CCDC82: variants seen among roughly 807,000 people sequenced by gnomAD.
CCDC82 encodes coiled-coil domain containing 82.
Under a neutral mutation model 60.6 loss-of-function variants are expected in CCDC82, and 47 were observed. The observed-to-expected ratio is 0.77, with a 90% CI of 0.61 to 0.99. CCDC82 has a LOEUF of 0.99. Among genes scored for constraint, CCDC82 ranks in the 50% least tolerant of loss-of-function variants. CCDC82 has a pLI of 0.00. For missense variants in CCDC82, 588 were observed against 633.0 expected (o/e 0.93, Z 0.76); for synonymous variants, 212 against 207.4 (o/e 1.02, Z -0.19).
intron 7 of CCDC82, among the ~76,000 whole-genome samples, chr11:96,369,171 G>A (rs995517990): frequency 1.3e-5 from 2 of 152,134 alleles, no homozygotes; most frequent in African/African-American, 4.8e-5. Flanking sequence ...TAGCTTACAC[G>A]AATGTTGTAG....
chr11:96,365,097 G>T lies in CCDC82; in HGVS notation c.1263C>A (p.Asn421Lys), dbSNP rs553942551. The change falls in exon 8 of 10, where the codon AAC (asparagine) becomes AAA (lysine). Residue 421 changes from asparagine (N) to lysine (K), a missense_variant. Physicochemically the swap from Asn to Lys is moderately conservative, Grantham distance 94 (BLOSUM62 0). Coordinates refer to ENST00000646818, the MANE Select transcript of CCDC82 (RefSeq NM_024725.4). Reference protein sequence around the residue: ...NVSIHLKNPENCSCQACGLHR... With the variant: ...NVSIHLKNPEKCSCQACGLHR... ...GCAGTCCACAAGCCTGGCAGGAACA[G>T]TTTTCAGGATTCTTCAAATGAATAC... 3.7e-6 allele frequency: 6 copies of T among 1,604,940 alleles called. No individual in the cohort carries two copies.
Position 96,376,430 on chromosome 11 carries a change from CTT to C in CCDC82, c.992-2965_992-2964del, listed in dbSNP as rs1291548577. On this transcript the variant is annotated intron_variant, in intron 5 of 9. Transcript: ENST00000646818. ...TTTTAACCTATCAAGCCGTGCTTTT[CTT>C]TTTTTTTTTTTTGAGCCGGAGTCTT... 4.2e-3 allele frequency among the ~76,000 whole-genome samples: 592 copies of C among 140,766 alleles called. 3 individuals carry two copies. Among genetic ancestry groups the C allele is most frequent in the African/African-American group, 0.015 (555 of 38,224 alleles). 92.3% of individuals were successfully genotyped at this position (140,766 alleles called of 152,430 possible). A position where few individuals can be genotyped will look rare whatever the true frequency, so the allele number is the denominator to read the frequency against.
At chr11:96,377,454 A>G (rs544125063) in intron 5 of CCDC82, among the ~76,000 whole-genome samples, 1 of 152,252 alleles carries the variant, frequency 6.6e-6, no homozygotes, top group East Asian at 1.9e-4. Flanking sequence ...GCATTTTTCA[A>G]AACATCTAGA....
intron 5 of CCDC82, among the ~76,000 whole-genome samples, chr11:96,374,518 G>A (rs1486103964): frequency 3.9e-5 from 6 of 152,146 alleles, no homozygotes; most frequent in Non-Finnish European, 7.4e-5. Flanking sequence ...AAAAATAAAT[G>A]ACAATAGCAG....
intron 5 of CCDC82, among the ~76,000 whole-genome samples, chr11:96,374,699 T>G (rs1220615775): frequency 6.6e-6 from 1 of 152,160 alleles, no homozygotes; most frequent in Non-Finnish European, 1.5e-5. Context: ...TACTGATTAT[T>G]TCATCACCCA....
intron 8 of CCDC82, 31 bp downstream of exon 8, chr11:96,364,949 C>T (rs148875506): frequency 2.6e-6 from 4 of 1,546,088 alleles, no homozygotes; most frequent in Non-Finnish European, 3.5e-6. Flanking sequence ...TTTCTAAATA[C>T]TGAAAATTAA....
At chr11:96,357,099 T>C (rs1344366255) in intron 9 of CCDC82, 8 of 985,210 alleles carry the variant, frequency 8.1e-6, no homozygotes, top group Non-Finnish European at 9.6e-6. Flanking sequence ...GTACATGCAG[T>C]GCTATCACTC....
intron 6 of CCDC82, among the ~76,000 whole-genome samples, chr11:96,371,590 C>G (rs1011913031): frequency 6.6e-6 from 1 of 152,132 alleles, no homozygotes; most frequent in Non-Finnish European, 1.5e-5. Context: ...TCAAAAAGTT[C>G]CCTTTGTAAG....
At chr11:96,386,663 C>G (rs1032986530) in intron 2 of CCDC82, 2 of 152,170 alleles carry the variant, frequency 1.3e-5, no homozygotes, top group Non-Finnish European at 2.9e-5. Context: ...GCTGGGATTA[C>G]AGGCATGAGC....
intron 9 of CCDC82, chr11:96,355,452 T>A (rs964407696): frequency 6.6e-6 from 1 of 152,166 alleles, no homozygotes; most frequent in African/African-American, 2.4e-5. Flanking sequence ...CACTTACTAA[T>A]TGCTAGGTCC....
At chr11:96,361,533 C>G (rs1044036157) in intron 8 of CCDC82, among the ~76,000 whole-genome samples, 3 of 152,028 alleles carry the variant, frequency 2.0e-5, no homozygotes, top group South Asian at 2.1e-4. Flanking sequence ...TATGGAAGAA[C>G]CTATATGGAA....
At chr11:96,367,712 A>T (rs945186401) in intron 7 of CCDC82, among the ~76,000 whole-genome samples, 2 of 151,908 alleles carry the variant, frequency 1.3e-5, no homozygotes, top group African/African-American at 2.4e-5. Flanking sequence ...AATGTCCTTG[A>T]TGGCATCTAG....
intron 7 of CCDC82, among the ~76,000 whole-genome samples, chr11:96,368,595 A>G (rs1462039561): frequency 6.6e-6 from 1 of 152,262 alleles, no homozygotes; most frequent in Non-Finnish European, 1.5e-5. Context: ...GGCTGGGTGC[A>G]GTGGCTCACG....
At chr11:96,355,832 C>CTACT (rs1864318910) in intron 9 of CCDC82, 1 of 152,140 alleles carries the variant, frequency 6.6e-6, no homozygotes, top group South Asian at 2.1e-4. Context: ...ATAGTGAAGA[C>CTACT]TACTTATTTT....
chr11:96,383,537 AATTAAAAC>A, intron 4 of CCDC82, 64 bp from the exon 5 acceptor site: 3 of 1,040,008 alleles, frequency 2.9e-6, no homozygotes, highest in Non-Finnish European at 4.2e-6. Flanking sequence ...ATCGATATAA[AATTAAAAC>A]ATTAAATCTG....
chr11:96,383,210 A>T (rs770882581), intron 5 of CCDC82, 59 bp downstream of exon 5: 9 of 995,446 alleles, frequency 9.0e-6, no homozygotes, highest in African/African-American at 4.8e-5. Flanking sequence ...GGCTAATTTG[A>T]TACTTGATAA....
chr11:96,361,746 T>A (rs1028754506), intron 8 of CCDC82, among the ~76,000 whole-genome samples: 1 of 152,192 alleles, frequency 6.6e-6, no homozygotes, highest in Non-Finnish European at 1.5e-5. Context: ...CTAAAACAGG[T>A]AACATTAATC....
chr11:96,368,844 C>A (rs1259828774), intron 7 of CCDC82, among the ~76,000 whole-genome samples: 17 of 140,046 alleles, frequency 1.2e-4, no homozygotes, highest in African/African-American at 4.3e-4. Flanking sequence ...CCAACCTGGG[C>A]GATGGAGAGA....
chr11:96,374,426 A>C (rs1212324499), intron 5 of CCDC82, among the ~76,000 whole-genome samples: 2 of 152,136 alleles, frequency 1.3e-5, no homozygotes, highest in African/African-American at 4.8e-5. Context: ...TCTCTTTCAG[A>C]CTTTAGGGTA....
Sources: allele counts gnomAD v4.1 joint callset (sites outside exome capture counted in the v4.1 genomes callset), GRCh38; gene constraint gnomAD v4.1.1; transcripts MANE v1.5; gene names NCBI Gene and HGNC (gene_info 2026-07-23, HGNC 2026-07-21).